The following SLFN5 variants were observed in gnomAD, a reference collection of about 807,000 sequenced individuals.
The protein encoded by SLFN5 is schlafen family member 5.
A neutral mutation model predicts 48.5 loss-of-function variants in SLFN5; 34 were observed. The observed-to-expected ratio is 0.70, with a 90% CI of 0.53 to 0.93. The LOEUF (loss-of-function observed/expected upper bound fraction) is 0.93. SLFN5 is among the 40% of genes least tolerant of loss of function. The pLI is 0.00. For missense variants in SLFN5, 1,006 were observed against 1,071.3 expected (o/e 0.94, Z 0.85); for synonymous variants, 387 against 396.2 (o/e 0.98, Z 0.28).
chr17:35,257,592 C>T (rs768682193), intron 1 of SLFN5, among the ~76,000 whole-genome samples: 61 of 151,106 alleles, frequency 4.0e-4, no homozygotes, highest in Non-Finnish European at 6.5e-4. Flanking sequence ...TGTGGAGTTA[C>T]TATGGAGCAA....
intron 3 of SLFN5, among the ~76,000 whole-genome samples, chr17:35,262,123 G>C (rs960890541): frequency 6.6e-6 from 1 of 152,050 alleles, no homozygotes; most frequent in Admixed American, 6.5e-5. Flanking sequence ...GCTCAGGCCT[G>C]TAATCCCAGA....
At chr17:35,244,734 A>T (rs988517298) in intron 1 of SLFN5, among the ~76,000 whole-genome samples, 2 of 152,126 alleles carry the variant, frequency 1.3e-5, no homozygotes, top group Non-Finnish European at 2.9e-5. Context: ...ACTTGAGGTC[A>T]GGAGTTCGAG....
intron 2 of SLFN5, 175 bp downstream of exon 2, chr17:35,259,877 TC>T (rs748745047): frequency 1.2e-5 from 9 of 740,726 alleles, no homozygotes; most frequent in Non-Finnish European, 1.9e-5. Context: ...TTATTGCCCT[TC>T]CTTTCTTCTG....
At chr17:35,253,259 C>T (rs1217405233) in intron 1 of SLFN5, among the ~76,000 whole-genome samples, 1 of 152,102 alleles carries the variant, frequency 6.6e-6, no homozygotes, top group African/African-American at 2.4e-5. Context: ...CTCCTAATAC[C>T]AGCACCTTTA....
Position 35,264,422 on chromosome 17 carries a change from G to C in SLFN5, c.1378G>C (p.Asp460His). ...TCTCTACACCATCTTCAGCAAGTGG[G>C]ATGCGGGGTGCAAGGGCTATTCTAT... ...PILYTIFSKW[D>H]AGCKGYSMIV... is the part of the protein sequence containing the mutation. The change falls in exon 4 of 5, where the codon GAT becomes CAT. Residue 460 changes from aspartate (D) to histidine (H), a missense_variant. Asp to His is a moderately conservative substitution (Grantham distance 81). Transcript: ENST00000299977. 1 of 1,614,194 alleles carries C rather than the reference G, an allele frequency of 6.2e-7. No homozygotes were observed. Among genetic ancestry groups the C allele is most frequent in the South Asian group, 1.1e-5 (1 of 91,082 alleles).
At position 35,271,083 on chromosome 17, in the gene SLFN5, C is replaced by T. The variant is rs190983005; in HGVS notation, c.*5195C>T. ...GCAGAATACAGGTAGCATATTCAAA[C>T]TGCTGTGGAAAAACAACATCAAACC... On this transcript the variant is annotated 3_prime_UTR_variant, in exon 5 of 5. Coordinates refer to ENST00000299977, the MANE Select transcript of SLFN5 (RefSeq NM_144975.4). The T allele has an allele frequency of 3.3e-5, 5 of 152,318 alleles. No homozygotes were observed. 9.4% of individuals were successfully genotyped at this position (152,318 alleles called of 1,614,324 possible).
At position 35,253,046 on chromosome 17, in the gene SLFN5, A is replaced by G. The variant is rs990660518; in HGVS notation, c.-40-5605A>G. ...GGTGGCTTTTAAACAACAAAAATTT[A>G]TTGCACACAATTTTGGTGGCTGGGA... On this transcript the variant is annotated intron_variant, in intron 1 of 4. Coordinates refer to ENST00000299977, the MANE Select transcript of SLFN5 (RefSeq NM_144975.4). Among the ~76,000 whole-genome samples the G allele has an allele frequency of 9.2e-5, 14 of 152,052 alleles. No individual in the cohort carries two copies. The East Asian group carries it at 1.5e-3, about 17-fold the overall frequency.
Position 35,249,515 on chromosome 17 carries a change from A to G in SLFN5, c.-41+6372A>G, listed in dbSNP as rs568717016. The stretch of plus-strand genomic sequence containing the variant: ...TGGTAAACATGGTACTACTCTTTCT[A>G]TGTTAAACACTGTCCCTTTTGCTCA... On this transcript the variant is annotated intron_variant, in intron 1 of 4. Coordinates refer to ENST00000299977, the MANE Select transcript of SLFN5 (RefSeq NM_144975.4). Among the ~76,000 whole-genome samples, 11 of 152,308 alleles carry G rather than the reference A, an allele frequency of 7.2e-5. No homozygotes were observed. In the South Asian group the frequency reaches 2.1e-3, roughly 29 times the overall value.
At position 35,248,688 on chromosome 17, in the gene SLFN5, T is replaced by C. The variant is rs147405429; in HGVS notation, c.-41+5545T>C. On this transcript the variant is annotated intron_variant, in intron 1 of 4. Coordinates refer to ENST00000299977, the MANE Select transcript of SLFN5 (RefSeq NM_144975.4). ...TCCATCCCTCTCTTTAAGCCAGGTA[T>C]GCAGACATCTGTAGAATTTAAACCT... Among the ~76,000 whole-genome samples the C allele has an allele frequency of 3.2e-3, 486 of 152,174 alleles. 1 individual carries two copies. Among genetic ancestry groups the C allele is most frequent in the African/African-American group, 0.011 (460 of 41,516 alleles).
rs1904859841 is a variant in SLFN5, at chr17:35,272,613, T to C, written c.*6725T>C. On this transcript the variant is annotated 3_prime_UTR_variant, in exon 5 of 5. Transcript: ENST00000299977. ...AAGAAACAACACACTGGAAAAAGAA[T>C]TGCAATGAATATCACAGCCAAATAG... The C allele has an allele frequency of 6.6e-6, 1 of 152,192 alleles. No homozygotes were observed. The highest frequency in any genetic ancestry group is 2.1e-4 in the South Asian group (1 of 4,834). 9.4% of individuals were successfully genotyped at this position (152,192 alleles called of 1,614,324 possible). A position where few individuals can be genotyped will look rare whatever the true frequency, so the allele number is the denominator to read the frequency against.
chr17:35,243,616 G>C (rs562114990), intron 1 of SLFN5, among the ~76,000 whole-genome samples: 6 of 152,326 alleles, frequency 3.9e-5, no homozygotes, highest in African/African-American at 1.4e-4. Context: ...GGCTTGGAAC[G>C]TCAGTCTTCA....
chr17:35,264,673 C>T lies in SLFN5; in HGVS notation c.1629C>T (p.Phe543=), dbSNP rs752931423. The change falls in exon 4 of 5, where the codon TTC becomes TTT. Residue 543 remains phenylalanine, a synonymous_variant. Coordinates refer to ENST00000299977, the MANE Select transcript of SLFN5 (RefSeq NM_144975.4). The part of the protein sequence containing the change: ...LVIVLLGFKS[F]LSEELGSEVL... ...TAGTCTTGCTTGGGTTCAAATCCTT[C>T]TTAAGTGAAGAGCTGGGCTCTGAGG... The T allele has an allele frequency of 2.5e-6, 4 of 1,613,280 alleles. No homozygotes were observed. Among genetic ancestry groups the T allele is most frequent in the African/African-American group, 1.3e-5 (1 of 74,866 alleles).
Position 35,264,602 on chromosome 17 carries a change from T to C in SLFN5, c.1558T>C (p.Phe520Leu), listed in dbSNP as rs1246553038. ...YLQIYPESYN[F>L]MTPQHMEALL... is the part of the protein sequence containing the mutation. ...ACAAATTTACCCTGAATCCTATAAC[T>C]TCATGACCCCCCAGCACATGGAAGC... The change falls in exon 4 of 5, where the codon TTC becomes CTC. Residue 520 changes from phenylalanine (F) to leucine (L), a missense_variant. Coordinates refer to ENST00000299977, the MANE Select transcript of SLFN5 (RefSeq NM_144975.4). The C allele has an allele frequency of 6.2e-7, 1 of 1,614,188 alleles. No homozygotes were observed. Among genetic ancestry groups the C allele is most frequent in the East Asian group, 2.2e-5 (1 of 44,894 alleles).
intron 1 of SLFN5, among the ~76,000 whole-genome samples, chr17:35,257,601 A>G (rs913020185): frequency 2.0e-5 from 3 of 151,656 alleles, no homozygotes; most frequent in Non-Finnish European, 4.4e-5. Context: ...ACTATGGAGC[A>G]AGCTGAATAA....
In SLFN5 at chr17:35,270,933, C is replaced by G. The variant is rs1904815966; in HGVS notation, c.*5045C>G. The G allele has an allele frequency of 6.6e-6, 1 of 152,140 alleles. No homozygotes were observed. The highest frequency in any genetic ancestry group is 1.5e-5 in the Non-Finnish European group (1 of 68,028). The allele number at this position is 152,140 out of a possible 1,614,324, so 9.4% of individuals were successfully genotyped here. On this transcript the variant is annotated 3_prime_UTR_variant, in exon 5 of 5. Coordinates refer to ENST00000299977, the MANE Select transcript of SLFN5 (RefSeq NM_144975.4). ...GGCAGAATATATAGGTCAAGCATAACACATTACAATCAAGATTCAGAACAT... is the reference window on the plus strand; with the variant it reads ...GGCAGAATATATAGGTCAAGCATAAGACATTACAATCAAGATTCAGAACAT...
Position 35,265,200 on chromosome 17 carries a change from G to A in SLFN5, c.1988G>A (p.Gly663Glu). ...NFRTEDGDWYGKAKFITQTAR... is the reference protein window; with the variant it reads ...NFRTEDGDWYEKAKFITQTAR... ...CGTACTGAAGATGGGGACTGGTATG[G>A]GAAAGCAAAGTTCATCACTCAGACA... The change falls in exon 5 of 5, where the codon GGG becomes GAG. Residue 663 changes from glycine to glutamate, a missense_variant. Coordinates refer to ENST00000299977, the MANE Select transcript of SLFN5 (RefSeq NM_144975.4). 6.2e-7 allele frequency: 1 copy of A among 1,614,176 alleles called. No homozygotes were observed. The highest frequency in any genetic ancestry group is 2.2e-5 in the East Asian group (1 of 44,882).
In SLFN5 at chr17:35,271,909, T is replaced by G. The variant is rs570502801; in HGVS notation, c.*6021T>G. 1 of 152,194 alleles carries G rather than the reference T, an allele frequency of 6.6e-6. No individual in the cohort carries two copies. Among genetic ancestry groups the G allele is most frequent in the African/African-American group, 2.4e-5 (1 of 41,506 alleles). The allele number at this position is 152,194 out of a possible 1,614,324, so 9.4% of individuals were successfully genotyped here. A position where few individuals can be genotyped will look rare whatever the true frequency, so the allele number is the denominator to read the frequency against. ...AGCTGGGTGTGGTGGTGTGCACCTATAGTCCTAGCTACTCGGGAGGCTGAG... is the reference window on the plus strand; with the variant it reads ...AGCTGGGTGTGGTGGTGTGCACCTAGAGTCCTAGCTACTCGGGAGGCTGAG... On this transcript the variant is annotated 3_prime_UTR_variant, in exon 5 of 5. Transcript: ENST00000299977.
chr17:35,258,899 A>G lies in SLFN5; in HGVS notation c.209A>G (p.Glu70Gly). 2 of 1,614,228 alleles carry G rather than the reference A, an allele frequency of 1.2e-6. No individual in the cohort carries two copies. Among genetic ancestry groups the G allele is most frequent in the Non-Finnish European group, 1.7e-6 (2 of 1,180,040 alleles). ...AEIENKGYNYERHGVGLDVPP... is the reference protein window; with the variant it reads ...AEIENKGYNYGRHGVGLDVPP... ...ATTGAGAACAAAGGCTACAATTATGAACGTCATGGAGTAGGATTGGATGTG... is the reference window on the plus strand; with the variant it reads ...ATTGAGAACAAAGGCTACAATTATGGACGTCATGGAGTAGGATTGGATGTG... The change falls in exon 2 of 5, where the codon GAA (glutamate) becomes GGA (glycine). Residue 70 changes from glutamate to glycine, a missense_variant. Transcript: ENST00000299977.
At position 35,269,201 on chromosome 17, in the gene SLFN5, G is replaced by A. The variant is rs566735468; in HGVS notation, c.*3313G>A. On this transcript the variant is annotated 3_prime_UTR_variant, in exon 5 of 5. Transcript: ENST00000299977. ...TTATTCTAGTACAAAGGCAGCACATGGGTATTTTTGAACATAAAAGAGTTC... is the reference window on the plus strand; with the variant it reads ...TTATTCTAGTACAAAGGCAGCACATAGGTATTTTTGAACATAAAAGAGTTC... 6.6e-4 allele frequency: 101 copies of A among 152,152 alleles called. No homozygotes were observed. Among genetic ancestry groups the A allele is most frequent in the African/African-American group, 2.1e-3 (88 of 41,490 alleles). 9.4% of individuals were successfully genotyped at this position (152,152 alleles called of 1,614,324 possible).
Sources: gnomAD v4.1 joint callset for allele counts (sites outside exome capture counted in the v4.1 genomes callset) on GRCh38, gnomAD v4.1.1 for gene constraint, MANE v1.5 for transcripts, NCBI Gene and HGNC (gene_info 2026-07-23, HGNC 2026-07-21) for gene names.